SGCZ: variants seen among roughly 807,000 people sequenced by gnomAD.
SGCZ encodes the protein zeta-sarcoglycan.
SGCZ carries 40 observed loss-of-function variants against 41.3 expected under a neutral mutation model. The observed-to-expected ratio is 0.97, with a 90% CI of 0.75 to 1.26. SGCZ has a LOEUF of 1.26. SGCZ is among the 50% of genes most tolerant of loss of function. The pLI is 0.00. For missense variants in SGCZ, 552 were observed against 369.8 expected, an observed-to-expected ratio of 1.49 and a Z score of -4.04; for synonymous variants, 206 against 137.5, an observed-to-expected ratio of 1.50 and a Z score of -3.49.
intron 7 of SGCZ, among the ~76,000 whole-genome samples, chr8:14,091,603 G>A (rs532023023): frequency 1.3e-5 from 2 of 152,076 alleles, no homozygotes; most frequent in Admixed American, 1.3e-4. Context: ...TCATGTGTCT[G>A]TTGGCTGCAT....
chr8:14,902,650 A>T (rs1259915928), intron 1 of SGCZ, among the ~76,000 whole-genome samples: 1 of 152,158 alleles, frequency 6.6e-6, no homozygotes. Context: ...AAAGTTGTCT[A>T]TTGAAATTAG....
chr8:14,530,506 G>T (rs536493346), intron 2 of SGCZ, among the ~76,000 whole-genome samples: 2 of 152,044 alleles, frequency 1.3e-5, no homozygotes, highest in Admixed American at 1.3e-4. Flanking sequence ...ATTCTTGAAT[G>T]TCTGGCCATC....
intron 3 of SGCZ, among the ~76,000 whole-genome samples, chr8:14,321,276 T>G (rs368590252): frequency 5.9e-5 from 9 of 152,070 alleles, no homozygotes; most frequent in African/African-American, 2.2e-4. Context: ...TATGTTTTTC[T>G]GTTTACTTTT....
At chr8:14,415,229 T>A (rs149153070) in intron 2 of SGCZ, among the ~76,000 whole-genome samples, 7 of 152,066 alleles carry the variant, frequency 4.6e-5, no homozygotes, top group East Asian at 1.9e-4. Context: ...TATAAATACA[T>A]GTTTTCAATC....
chr8:14,716,690 C>T lies in SGCZ; in HGVS notation c.40-161764G>A, dbSNP rs140136299. Among the ~76,000 whole-genome samples the T allele has an allele frequency of 4.6e-3, 698 of 152,060 alleles. 9 individuals are homozygous for T. The highest frequency in any genetic ancestry group is 0.017 in the Middle Eastern group (5 of 294). ...TTTTTGCAACTCATCTTTAGGAAAA[C>T]GTACAGATAACACAAGTTTCTAAAT... On this transcript the variant is annotated intron_variant, in intron 1 of 7. Coordinates refer to ENST00000382080, the MANE Select transcript of SGCZ (RefSeq NM_139167.4).
chr8:14,151,589 A>G (rs1055740630), intron 5 of SGCZ, among the ~76,000 whole-genome samples: 8 of 152,114 alleles, frequency 5.3e-5, no homozygotes, highest in South Asian at 2.1e-4. Context: ...TCTAAAGTCA[A>G]TATATAAGAA....
chr8:14,460,820 G>A (rs1358594570), intron 2 of SGCZ, among the ~76,000 whole-genome samples: 2 of 152,086 alleles, frequency 1.3e-5, no homozygotes, highest in African/African-American at 2.4e-5. Flanking sequence ...ATTCAATTTA[G>A]ATACTTGTTT....
intron 1 of SGCZ, among the ~76,000 whole-genome samples, chr8:14,639,438 A>C (rs530350107): frequency 7.2e-4 from 109 of 151,860 alleles, no homozygotes; most frequent in African/African-American, 2.6e-3. Flanking sequence ...AGATTACTTC[A>C]TAAAGATATT....
intron 3 of SGCZ, among the ~76,000 whole-genome samples, chr8:14,243,075 A>G (rs952757044): frequency 6.6e-6 from 1 of 152,152 alleles, no homozygotes; most frequent in Non-Finnish European, 1.5e-5. Context: ...TCAGATTCCA[A>G]ATGAGGAGGG....
In SGCZ at chr8:14,237,538, A is replaced by G. The variant is rs1806809060; in HGVS notation, c.424+54T>C. The G allele has an allele frequency of 5.3e-6, 8 of 1,517,566 alleles. No individual in the cohort carries two copies. In the South Asian group the frequency reaches 9.3e-5, roughly 18 times the overall value. The allele number at this position is 1,517,566 out of a possible 1,614,324, so 94.0% of individuals were successfully genotyped here. A position where few individuals can be genotyped will look rare whatever the true frequency, so the allele number is the denominator to read the frequency against. On this transcript the variant is annotated intron_variant, in intron 4 of 7. Coordinates refer to ENST00000382080, the MANE Select transcript of SGCZ (RefSeq NM_139167.4). ...ACAACAAGAACCAAAAACCAAAAAC[A>G]ACAACAAAAAAAACCAAGCACAGTA...
intron 1 of SGCZ, among the ~76,000 whole-genome samples, chr8:15,102,371 A>G (rs1345744572): frequency 1.3e-5 from 2 of 152,188 alleles, no homozygotes; most frequent in African/African-American, 4.8e-5. Flanking sequence ...GAGGGGTGGA[A>G]GGAGATATAA....
chr8:14,139,011 C>A (rs184688977), intron 5 of SGCZ, among the ~76,000 whole-genome samples: 25 of 152,276 alleles, frequency 1.6e-4, no homozygotes, highest in South Asian at 6.2e-4. Flanking sequence ...ACAGTGCAAT[C>A]AAATTAGAAC....
chr8:14,758,892 C>G (rs1473704594), intron 1 of SGCZ, among the ~76,000 whole-genome samples: 1 of 151,606 alleles, frequency 6.6e-6, no homozygotes, highest in Non-Finnish European at 1.5e-5. Context: ...CCTGTCATCT[C>G]AGCTACTTGG....
Position 15,230,183 on chromosome 8 carries a change from GT to G in SGCZ, c.39+7401del, listed in dbSNP as rs201980618. ...TAAGTCACTATGAATAAGGATACTA[GT>G]TAAAAAAAAAAAAAAAAACTGTAAT... On this transcript the variant is annotated intron_variant, in intron 1 of 7. Coordinates refer to ENST00000382080, the MANE Select transcript of SGCZ (RefSeq NM_139167.4). Among the ~76,000 whole-genome samples, 85 of 120,216 alleles carry G rather than the reference GT, an allele frequency of 7.1e-4. No individual in the cohort carries two copies. In the East Asian group the frequency reaches 0.011, roughly 16 times the overall value. The allele number at this position is 120,216 out of a possible 152,430, so 78.9% of individuals were successfully genotyped here. A position where few individuals can be genotyped will look rare whatever the true frequency, so the allele number is the denominator to read the frequency against.
intron 5 of SGCZ, among the ~76,000 whole-genome samples, chr8:14,163,216 G>C (rs954570080): frequency 1.3e-5 from 2 of 152,120 alleles, no homozygotes; most frequent in African/African-American, 4.8e-5. Flanking sequence ...GTTTGTTACA[G>C]AGGTAAACTT....
intron 3 of SGCZ, among the ~76,000 whole-genome samples, chr8:14,283,617 T>A (rs1259421413): frequency 6.6e-6 from 1 of 152,216 alleles, no homozygotes; most frequent in Non-Finnish European, 1.5e-5. Flanking sequence ...GACAACAATA[T>A]TCTCTTACAT....
chr8:14,932,347 C>A lies in SGCZ; in HGVS notation c.39+305238G>T, dbSNP rs181635203. ...AACTCTAGTAACAGTTTTCTCTTTTCATTTCAGGCCATTTTCCATTCTAAT... is the reference window on the plus strand; with the variant it reads ...AACTCTAGTAACAGTTTTCTCTTTTAATTTCAGGCCATTTTCCATTCTAAT... On this transcript the variant is annotated intron_variant, in intron 1 of 7. Coordinates refer to ENST00000382080, the MANE Select transcript of SGCZ (RefSeq NM_139167.4). Among the ~76,000 whole-genome samples the A allele has an allele frequency of 2.6e-3, 402 of 152,058 alleles. 7 individuals carry two copies. Among genetic ancestry groups the A allele is most frequent in the African/African-American group, 9.3e-3 (387 of 41,396 alleles).
intron 1 of SGCZ, among the ~76,000 whole-genome samples, chr8:14,680,791 T>C (rs1563198971): frequency 7.0e-6 from 1 of 142,922 alleles, no homozygotes; most frequent in South Asian, 2.2e-4. Context: ...AGATACAGAC[T>C]GTATTTAAAA....
chr8:15,103,480 CT>C (rs545478731), intron 1 of SGCZ, among the ~76,000 whole-genome samples: 19 of 152,026 alleles, frequency 1.2e-4, no homozygotes, highest in African/African-American at 4.1e-4. Flanking sequence ...AGTAAAATCT[CT>C]TGTAAAACAA....
Sources: gnomAD v4.1 joint callset for allele counts (sites outside exome capture counted in the v4.1 genomes callset) on GRCh38, gnomAD v4.1.1 for gene constraint, MANE v1.5 for transcripts, NCBI Gene and HGNC (gene_info 2026-07-23, HGNC 2026-07-21) for gene names.